TIAM1: variants seen among roughly 807,000 people sequenced by gnomAD.
TIAM1 encodes rho guanine nucleotide exchange factor TIAM1.
Under a neutral mutation model 163.5 loss-of-function variants are expected in TIAM1, and 65 were observed. The observed-to-expected ratio is 0.40, with a 90% CI of 0.33 to 0.49. The LOEUF is 0.49. TIAM1 is among the 20% of genes least tolerant of loss of function. The pLI, the probability that TIAM1 is intolerant of heterozygous loss-of-function variation, is 0.77. For missense variants in TIAM1, 1,789 were observed against 2,044.7 expected (o/e 0.87, Z 2.41); for synonymous variants, 833 against 810.1 (o/e 1.03, Z -0.48).
intron 2 of TIAM1, among the ~76,000 whole-genome samples, chr21:31,317,196 T>C (rs552441398): frequency 1.3e-5 from 2 of 152,196 alleles, no homozygotes; most frequent in African/African-American, 2.4e-5. Context: ...GGCTCAAGCC[T>C]GTACTCCCAG....
chr21:31,513,257 T>C (rs1245629515), intron 1 of TIAM1, among the ~76,000 whole-genome samples: 1 of 152,178 alleles, frequency 6.6e-6, no homozygotes, highest in Admixed American at 6.5e-5. Context: ...AATGACCCTA[T>C]GAAATAGGTA....
Position 31,251,976 on chromosome 21 carries a change from T to C in TIAM1, c.1177A>G (p.Met393Val), listed in dbSNP as rs1229729826. Residue 393 changes from methionine to valine, a missense_variant, in exon 5 of 28, where the codon ATG becomes GTG. Transcript: ENST00000541036. ...AGGCTCTCGCTGTTGGTGGTGCTCATCTCCAGCTCCCGCCGGAAGTTCTCG... is the reference window on the plus strand; with the variant it reads ...AGGCTCTCGCTGTTGGTGGTGCTCACCTCCAGCTCCCGCCGGAAGTTCTCG... ...VYENFRRELE[M>V]STTNSESLEE... is the part of the protein sequence containing the mutation. 2 of 1,613,878 alleles carry C rather than the reference T, an allele frequency of 1.2e-6. No homozygotes were observed. The highest frequency in any genetic ancestry group is 1.7e-5 in the Admixed American group (1 of 60,002).
chr21:31,366,085 CAAAAAA>C (rs869163144), intron 2 of TIAM1, among the ~76,000 whole-genome samples: 1 of 69,546 alleles, frequency 1.4e-5, no homozygotes, highest in African/African-American at 5.8e-5. Flanking sequence ...GACTCTGTCT[CAAAAAA>C]AAAAAAAAAA....
chr21:31,414,687 G>T (rs1226484759), intron 2 of TIAM1, among the ~76,000 whole-genome samples: 2 of 152,200 alleles, frequency 1.3e-5, no homozygotes, highest in Non-Finnish European at 2.9e-5. Flanking sequence ...AGGTGTCTGG[G>T]CAGTTGGACC....
At chr21:31,427,005 C>G (rs1009970999) in intron 2 of TIAM1, among the ~76,000 whole-genome samples, 5 of 152,248 alleles carry the variant, frequency 3.3e-5, no homozygotes, top group Non-Finnish European at 7.4e-5. Flanking sequence ...ATTGCAGCCT[C>G]CAACTCCTGG....
chr21:31,119,361 A>G lies in TIAM1; in HGVS notation c.*1007T>C. 1 of 152,488 alleles carries G rather than the reference A, an allele frequency of 6.6e-6. No homozygotes were observed. The highest frequency in any genetic ancestry group is 1.9e-4 in the East Asian group (1 of 5,176). 9.4% of individuals were successfully genotyped at this position (152,488 alleles called of 1,614,324 possible). A position where few individuals can be genotyped will look rare whatever the true frequency, so the allele number is the denominator to read the frequency against. On this transcript the variant is annotated 3_prime_UTR_variant, in exon 28 of 28. Transcript: ENST00000541036. ...AACCAATGATCACCATGGCAACCCCATGAGAAGGAGGCTCCCCTCCCTGCC... is the reference window on the plus strand; with the variant it reads ...AACCAATGATCACCATGGCAACCCCGTGAGAAGGAGGCTCCCCTCCCTGCC...
At chr21:31,247,656 A>G (rs912482665) in intron 5 of TIAM1, among the ~76,000 whole-genome samples, 3 of 152,094 alleles carry the variant, frequency 2.0e-5, no homozygotes, top group Non-Finnish European at 2.9e-5. Flanking sequence ...TCAGCCTCCT[A>G]TAGTGCTGGG....
intron 20 of TIAM1, among the ~76,000 whole-genome samples, chr21:31,143,729 C>CTT (rs545023367): frequency 4.2e-5 from 6 of 143,062 alleles, no homozygotes; most frequent in Admixed American, 7.0e-5. Flanking sequence ...ATTCTTCTGT[C>CTT]TTTTTTTTTT....
intron 23 of TIAM1, 86 bp downstream of exon 23, chr21:31,135,847 C>A (rs2082600704): frequency 5.6e-6 from 7 of 1,243,354 alleles, no homozygotes; most frequent in South Asian, 1.2e-5. Context: ...TATTTTTAAT[C>A]AATTGGGTCT....
rs191264007 is a variant in TIAM1, at chr21:31,524,293, A to G, written c.-422+34634T>C. ...GGTGAAGTGGGGGTAGGAGTCTCACATGGCAGAGGAGGAGCAAGAGAGAGT... is the reference window on the plus strand; with the variant it reads ...GGTGAAGTGGGGGTAGGAGTCTCACGTGGCAGAGGAGGAGCAAGAGAGAGT... On this transcript the variant is annotated intron_variant, in intron 1 of 28. Transcript: ENST00000286827. Among the ~76,000 whole-genome samples, 196 of 152,292 alleles carry G rather than the reference A, an allele frequency of 1.3e-3. 1 individual carries two copies. The highest frequency in any genetic ancestry group is 4.5e-3 in the African/African-American group (188 of 41,564).
At chr21:31,496,386 A>AGGCGGAGGTGGGAGAATCGC (rs56155285) in intron 1 of TIAM1, among the ~76,000 whole-genome samples, 2 of 150,146 alleles carry the variant, frequency 1.3e-5, no homozygotes, top group African/African-American at 4.9e-5. Flanking sequence ...GTTACTTGGG[A>AGGCGGAGGTGGGAGAATCGC]CTGAATCCAG....
intron 1 of TIAM1, among the ~76,000 whole-genome samples, chr21:31,517,354 G>A (rs1481267788): frequency 3.3e-5 from 5 of 152,120 alleles, no homozygotes; most frequent in Admixed American, 6.6e-5. Flanking sequence ...GCAACATGAC[G>A]AAACCCCGTC....
chr21:31,301,776 G>A (rs1601884288), intron 2 of TIAM1, among the ~76,000 whole-genome samples: 1 of 151,738 alleles, frequency 6.6e-6, no homozygotes, highest in East Asian at 1.9e-4. Context: ...GGAGGCAGAG[G>A]TTGCAGTGAG....
Position 31,251,949 on chromosome 21 carries a change from C to T in TIAM1, c.1204G>A (p.Glu402Lys), listed in dbSNP as rs1486536977. ...TCGCTGTGCGCCGAGCCGGCCTCCT[C>T]CAGGCTCTCGCTGTTGGTGGTGCTC... ...EMSTTNSESL[E>K]EAGSAHSDEQ... The change falls in exon 5 of 28, where the codon GAG (glutamate) becomes AAG (lysine). Residue 402 changes from glutamate (E) to lysine (K), a missense_variant. Transcript: ENST00000541036. 7.4e-6 allele frequency: 12 copies of T among 1,613,986 alleles called. No homozygotes were observed. The highest frequency in any genetic ancestry group is 1.3e-5 in the African/African-American group (1 of 75,062).
chr21:31,535,380 CAAAAAAAAAA>C (rs59742048), intron 1 of TIAM1, among the ~76,000 whole-genome samples: 23 of 54,298 alleles, frequency 4.2e-4, no homozygotes, highest in South Asian at 2.2e-3. Flanking sequence ...GGCTCCATCT[CAAAAAAAAAA>C]AAAAAAAAAA....
chr21:31,192,022 T>C (rs1196332612), intron 13 of TIAM1, among the ~76,000 whole-genome samples: 1 of 152,200 alleles, frequency 6.6e-6, no homozygotes, highest in African/African-American at 2.4e-5. Context: ...TGCTACCAAT[T>C]ACAGCTCTAA....
At chr21:31,386,940 G>A (rs1182798906) in intron 2 of TIAM1, among the ~76,000 whole-genome samples, 6 of 152,164 alleles carry the variant, frequency 3.9e-5, no homozygotes, top group African/African-American at 9.7e-5. Context: ...TGTTTTTGAC[G>A]TCCTGAGCTT....
At chr21:31,351,808 C>CTATAA (rs144586145) in intron 2 of TIAM1, among the ~76,000 whole-genome samples, 13,100 of 152,160 alleles carry the variant, frequency 0.086, 999 homozygotes, top group East Asian at 0.43. Flanking sequence ...TGGCTCATGC[C>CTATAA]TATAATCCTA....
chr21:31,486,883 C>T (rs1046479419), intron 1 of TIAM1, among the ~76,000 whole-genome samples: 2 of 152,202 alleles, frequency 1.3e-5, no homozygotes, highest in African/African-American at 2.4e-5. Context: ...GCTGTGTGGC[C>T]GCTTTGCCCA....
Sources: allele counts gnomAD v4.1 joint callset (sites outside exome capture counted in the v4.1 genomes callset), GRCh38; gene constraint gnomAD v4.1.1; transcripts MANE v1.5; gene names NCBI Gene and HGNC (gene_info 2026-07-23, HGNC 2026-07-21).